TCF12: variants seen among roughly 807,000 people sequenced by gnomAD.
The protein encoded by TCF12 is transcription factor 12.
Under a neutral mutation model 86.0 loss-of-function variants are expected in TCF12, and 45 were observed. That is an observed-to-expected ratio of 0.52 (90% CI 0.41 to 0.67). The LOEUF is 0.67. Among genes scored for constraint, TCF12 ranks in the 30% least tolerant of loss-of-function variants. The pLI is 0.00. For synonymous variants in TCF12, 330 were observed against 299.6 expected, an observed-to-expected ratio of 1.10 and a Z score of -1.05; for missense variants, 881 against 859.9, an observed-to-expected ratio of 1.02 and a Z score of -0.31.
chr15:56,978,388 T>G (rs1195859544), intron 3 of TCF12, among the ~76,000 whole-genome samples: 2 of 151,952 alleles, frequency 1.3e-5, no homozygotes. Context: ...GTATTAATAT[T>G]TATATGAACG....
chr15:57,225,509 T>C (rs557955999), intron 8 of TCF12, among the ~76,000 whole-genome samples: 2 of 152,282 alleles, frequency 1.3e-5, no homozygotes, highest in African/African-American at 4.8e-5. Context: ...CCTCCCAAAG[T>C]GCTGGGATTA....
chr15:57,223,653 T>TTTTTGTTTTTTGTTTG (rs1422431538), intron 8 of TCF12, among the ~76,000 whole-genome samples: 3 of 135,294 alleles, frequency 2.2e-5, no homozygotes, highest in African/African-American at 8.3e-5. Flanking sequence ...GTTTTTTTTT[T>TTTTTGTTTTTTGTTTG]TTTTTTTTTT....
chr15:57,125,523 A>G (rs1346062096), intron 5 of TCF12, among the ~76,000 whole-genome samples: 1 of 152,242 alleles, frequency 6.6e-6, no homozygotes, highest in East Asian at 1.9e-4. Context: ...GTTATTACAT[A>G]TTAGCCTTTA....
chr15:57,285,872 G>A (rs1334601228), intron 20 of TCF12, among the ~76,000 whole-genome samples: 1 of 152,192 alleles, frequency 6.6e-6, no homozygotes, highest in Non-Finnish European at 1.5e-5. Flanking sequence ...AGGCTGCGTT[G>A]AGCCATGATC....
chr15:56,977,620 G>T (rs2062678827), intron 3 of TCF12, among the ~76,000 whole-genome samples: 3 of 152,100 alleles, frequency 2.0e-5, no homozygotes, highest in South Asian at 2.1e-4. Context: ...GACAGCGTTT[G>T]TAGCTTTGTG....
chr15:57,108,652 T>C (rs1243000429), intron 5 of TCF12, among the ~76,000 whole-genome samples: 1 of 151,336 alleles, frequency 6.6e-6, no homozygotes, highest in Non-Finnish European at 1.5e-5. Flanking sequence ...GCTTGGAGGC[T>C]CTTGGTGTGG....
chr15:56,928,298 T>C (rs780046473), intron 3 of TCF12, among the ~76,000 whole-genome samples: 2 of 152,146 alleles, frequency 1.3e-5, no homozygotes, highest in African/African-American at 4.8e-5. Context: ...TGGTAGCTGC[T>C]ATTATTGTGG....
intron 5 of TCF12, among the ~76,000 whole-genome samples, chr15:57,119,983 A>G (rs1473448667): frequency 3.9e-5 from 6 of 152,160 alleles, no homozygotes; most frequent in Admixed American, 1.3e-4. Flanking sequence ...TCCTACTACT[A>G]TTTACCTGCT....
intron 3 of TCF12, among the ~76,000 whole-genome samples, chr15:56,970,357 G>A (rs2140726617): frequency 6.6e-6 from 1 of 151,766 alleles, no homozygotes; most frequent in South Asian, 2.1e-4. Context: ...GCGCGCACCT[G>A]TAGTCCCAGC....
chr15:56,962,258 G>C (rs1200463041), intron 3 of TCF12, among the ~76,000 whole-genome samples: 3 of 152,174 alleles, frequency 2.0e-5, no homozygotes, highest in African/African-American at 7.2e-5. Flanking sequence ...TACTTAGTAA[G>C]GTGTGAAAAC....
At chr15:57,274,112 G>A (rs771276720) in intron 19 of TCF12, among the ~76,000 whole-genome samples, 43 of 152,246 alleles carry the variant, frequency 2.8e-4, no homozygotes, top group Non-Finnish European at 5.6e-4. Flanking sequence ...GTGGCCCTAG[G>A]TTCCAGATCT....
chr15:57,282,641 A>G, intron 20 of TCF12, 43 bp downstream of exon 20: 1 of 1,582,824 alleles, frequency 6.3e-7, no homozygotes, highest in Non-Finnish European at 8.6e-7. Flanking sequence ...AATAACCTTA[A>G]GATTCATCTT....
chr15:56,925,189 G>A (rs1417944243), intron 3 of TCF12, among the ~76,000 whole-genome samples: 1 of 151,934 alleles, frequency 6.6e-6, no homozygotes, highest in Non-Finnish European at 1.5e-5. Context: ...GCAACAGAAT[G>A]AGACTCTGTC....
intron 5 of TCF12, among the ~76,000 whole-genome samples, chr15:57,117,005 A>G (rs1404457659): frequency 6.6e-6 from 1 of 152,050 alleles, no homozygotes; most frequent in Non-Finnish European, 1.5e-5. Context: ...TAACCATGTC[A>G]TGTAGGTTTG....
intron 3 of TCF12, among the ~76,000 whole-genome samples, chr15:57,014,698 T>C (rs1456422902): frequency 2.6e-5 from 4 of 152,012 alleles, no homozygotes; most frequent in African/African-American, 9.7e-5. Flanking sequence ...TCTTAGGGGA[T>C]TAAGAATTAT....
chr15:56,929,081 A>G (rs1217955702), intron 3 of TCF12, among the ~76,000 whole-genome samples: 1 of 152,188 alleles, frequency 6.6e-6, no homozygotes, highest in African/African-American at 2.4e-5. Context: ...ATATGTTTTC[A>G]TTAATCATTG....
At chr15:57,186,620 T>G (rs2615253) in intron 6 of TCF12, among the ~76,000 whole-genome samples, 3,650 of 152,304 alleles carry the variant, frequency 0.024, 148 homozygotes, top group African/African-American at 0.083. Flanking sequence ...GCCAGCATAA[T>G]TCTGATACCA....
At chr15:56,989,707 G>A (rs1271183662) in intron 3 of TCF12, among the ~76,000 whole-genome samples, 2 of 152,164 alleles carry the variant, frequency 1.3e-5, no homozygotes, top group African/African-American at 4.8e-5. Context: ...CCTTGACTTA[G>A]TAAAGTATAG....
chr15:56,978,452 A>C (rs547185665), intron 3 of TCF12, among the ~76,000 whole-genome samples: 1 of 152,338 alleles, frequency 6.6e-6, no homozygotes, highest in Admixed American at 6.5e-5. Context: ...AATATAAAGA[A>C]AAATCATGAT....
Sources: allele counts gnomAD v4.1 joint callset (sites outside exome capture counted in the v4.1 genomes callset), GRCh38; gene constraint gnomAD v4.1.1; transcripts MANE v1.5; gene names NCBI Gene and HGNC (gene_info 2026-07-23, HGNC 2026-07-21).